RPRD1B: variants seen among roughly 807,000 people sequenced by gnomAD.
RPRD1B encodes regulation of nuclear pre-mRNA domain containing 1B.
In RPRD1B, 11 loss-of-function variants were observed where a neutral mutation model predicts 41.5. The ratio of observed to expected loss-of-function variants is 0.27; its 90% CI spans 0.17 to 0.44. The LOEUF is 0.44. RPRD1B is among the 20% of genes least tolerant of loss of function. The pLI, the probability that RPRD1B is intolerant of heterozygous loss-of-function variation, is 1.00. For missense variants in RPRD1B, 248 were observed against 389.9 expected (o/e 0.64, Z 3.06); for synonymous variants, 158 against 155.6 (o/e 1.02, Z -0.12).
intron 5 of RPRD1B, among the ~76,000 whole-genome samples, chr20:38,061,204 A>G (rs1463828423): frequency 2.0e-5 from 3 of 152,262 alleles, no homozygotes; most frequent in Non-Finnish European, 4.4e-5. Context: ...AAGTATTCTC[A>G]TGTTGTTATA....
chr20:38,065,298 G>A (rs2074343332), intron 5 of RPRD1B, among the ~76,000 whole-genome samples: 1 of 152,022 alleles, frequency 6.6e-6, no homozygotes, highest in Non-Finnish European at 1.5e-5. Flanking sequence ...TTTTTTTTCT[G>A]GCGGGGAGGG....
intron 3 of RPRD1B, among the ~76,000 whole-genome samples, chr20:38,056,270 A>C (rs2074239987): frequency 6.6e-6 from 1 of 152,120 alleles, no homozygotes; most frequent in Admixed American, 6.5e-5. Flanking sequence ...AAATGCCTGT[A>C]ATCCCAGCTA....
rs575800311 is a variant in RPRD1B at position 38,091,675 on chromosome 20, T to A, written c.*1800T>A. 22 of 985,610 alleles carry A rather than the reference T, an allele frequency of 2.2e-5. No homozygotes were observed. In the African/African-American group the frequency reaches 3.3e-4, roughly 15 times the overall value. 61.1% of individuals were successfully genotyped at this position (985,610 alleles called of 1,614,324 possible). A position where few individuals can be genotyped will look rare whatever the true frequency, so the allele number is the denominator to read the frequency against. On this transcript the variant is annotated 3_prime_UTR_variant, in exon 7 of 7. Coordinates refer to ENST00000373433, the MANE Select transcript of RPRD1B (RefSeq NM_021215.4). ...GTGCTGCTTTCTAGATGAGCGTGTT[T>A]TGGAGCAGGCCCATCTGGGACACTC... is the stretch of plus-strand genomic sequence containing the variant.
At chr20:38,042,792 C>G (rs1484906165) in intron 2 of RPRD1B, among the ~76,000 whole-genome samples, 2 of 152,098 alleles carry the variant, frequency 1.3e-5, no homozygotes, top group Non-Finnish European at 2.9e-5. Context: ...ATAGTTGACC[C>G]ATTACTGTTG....
At chr20:38,070,745 T>G (rs2074404805) in intron 6 of RPRD1B, 2 of 982,434 alleles carry the variant, frequency 2.0e-6, no homozygotes, top group Middle Eastern at 5.2e-4. Context: ...GTGATTTTTT[T>G]TTTTTTTTTT....
chr20:38,055,052 C>G (rs923439916), intron 3 of RPRD1B, among the ~76,000 whole-genome samples: 3 of 152,194 alleles, frequency 2.0e-5, no homozygotes, highest in African/African-American at 7.2e-5. Flanking sequence ...CATGATTGTG[C>G]AAGCTGAACC....
intron 5 of RPRD1B, among the ~76,000 whole-genome samples, chr20:38,062,433 A>T (rs1388485643): frequency 6.6e-6 from 1 of 151,820 alleles, no homozygotes; most frequent in Non-Finnish European, 1.5e-5. Flanking sequence ...CCAACCTCCT[A>T]CTCAGTTTTA....
chr20:38,036,109 C>G (rs911195220), intron 1 of RPRD1B, among the ~76,000 whole-genome samples: 2 of 152,052 alleles, frequency 1.3e-5, no homozygotes, highest in Non-Finnish European at 2.9e-5. Context: ...TTGCCTCACC[C>G]TAGTTGAGTT....
At position 38,091,596 on chromosome 20, in the gene RPRD1B, A is replaced by G. The variant is rs2074612240; in HGVS notation, c.*1721A>G. The G allele has an allele frequency of 1.0e-6, 1 of 985,424 alleles. No homozygotes were observed. Among genetic ancestry groups the G allele is most frequent in the Non-Finnish European group, 1.2e-6 (1 of 830,012 alleles). The allele number at this position is 985,424 out of a possible 1,614,324, so 61.0% of individuals were successfully genotyped here. ...TGACATCACTAAAATTGCAAGATAA[A>G]TTGTAATCTTTGCTGCTGCTGCACT... On this transcript the variant is annotated 3_prime_UTR_variant, in exon 7 of 7. Coordinates refer to ENST00000373433, the MANE Select transcript of RPRD1B (RefSeq NM_021215.4).
rs924485194 is a variant in RPRD1B, at chr20:38,033,801, C to T, written c.-147C>T. ...GGCGGCTGTTACTGCGGAGACCCAT[C>T]CCCTCCCCCTTCTCGCACCCCTGGC... On this transcript the variant is annotated 5_prime_UTR_variant, in exon 1 of 7. Coordinates refer to ENST00000373433, the MANE Select transcript of RPRD1B (RefSeq NM_021215.4). 14 of 753,234 alleles carry T rather than the reference C, an allele frequency of 1.9e-5. No homozygotes were observed. Among genetic ancestry groups the T allele is most frequent in the Non-Finnish European group, 2.9e-5 (14 of 483,574 alleles). The allele number at this position is 753,234 out of a possible 1,614,324, so 46.7% of individuals were successfully genotyped here.
chr20:38,064,459 C>A (rs761503449), intron 5 of RPRD1B, among the ~76,000 whole-genome samples: 2 of 152,186 alleles, frequency 1.3e-5, no homozygotes, highest in Non-Finnish European at 1.5e-5. Flanking sequence ...AACTGTCCCA[C>A]GGTACTGCCG....
intron 5 of RPRD1B, among the ~76,000 whole-genome samples, chr20:38,064,901 G>C (rs931342742): frequency 2.0e-5 from 3 of 151,884 alleles, no homozygotes; most frequent in African/African-American, 7.3e-5. Context: ...CAGGAGAATG[G>C]CATGAACCTG....
rs2074614044 is a variant in RPRD1B at position 38,091,765 on chromosome 20, T to C, written c.*1890T>C. Reference sequence around the variant, plus strand: ...TCCAGCCAAAAGAGGATCGTAGATATTTGCTCTGATCAACTAGATGAAAAT... The same window carrying C: ...TCCAGCCAAAAGAGGATCGTAGATACTTGCTCTGATCAACTAGATGAAAAT... On this transcript the variant is annotated 3_prime_UTR_variant, in exon 7 of 7. Transcript: ENST00000373433. The C allele has an allele frequency of 1.0e-5, 10 of 985,820 alleles. No homozygotes were observed. The highest frequency in any genetic ancestry group is 9.6e-6 in the Non-Finnish European group (8 of 829,940). The allele number at this position is 985,820 out of a possible 1,614,324, so 61.1% of individuals were successfully genotyped here.
chr20:38,077,586 C>G (rs2074475536), intron 6 of RPRD1B, among the ~76,000 whole-genome samples: 1 of 152,164 alleles, frequency 6.6e-6, no homozygotes, highest in South Asian at 2.1e-4. Flanking sequence ...CCACCATCTT[C>G]CATAGCTGAG....
In RPRD1B at chr20:38,092,182, CAG is replaced by C; in HGVS notation, c.*2309_*2310del. 1 of 985,708 alleles carries C rather than the reference CAG, an allele frequency of 1.0e-6. No individual in the cohort carries two copies. Among genetic ancestry groups the C allele is most frequent in the Non-Finnish European group, 1.2e-6 (1 of 829,884 alleles). 61.1% of individuals were successfully genotyped at this position (985,708 alleles called of 1,614,324 possible). A position where few individuals can be genotyped will look rare whatever the true frequency, so the allele number is the denominator to read the frequency against. On this transcript the variant is annotated 3_prime_UTR_variant, in exon 7 of 7. Transcript: ENST00000373433. ...GACCTTTCCTTTAGGTCATATTCCT[CAG>C]AAAGTCTTCAATCTTCCCTTGTTTT...
chr20:38,042,936 T>G (rs1386594338), intron 2 of RPRD1B, among the ~76,000 whole-genome samples: 1 of 152,252 alleles, frequency 6.6e-6, no homozygotes, highest in Non-Finnish European at 1.5e-5. Flanking sequence ...AGCAGTTTAA[T>G]TAACCAGACT....
At chr20:38,049,871 C>T (rs2074166837) in intron 3 of RPRD1B, 3 of 470,756 alleles carry the variant, frequency 6.4e-6, no homozygotes, top group Admixed American at 4.7e-5. Flanking sequence ...CCAGATTCTT[C>T]TCCTGCCACT....
chr20:38,037,549 A>G (rs1409266699), intron 1 of RPRD1B, among the ~76,000 whole-genome samples: 2 of 152,242 alleles, frequency 1.3e-5, no homozygotes, highest in African/African-American at 4.8e-5. Context: ...GTTGTCCCCC[A>G]GGATTGGGAT....
intron 6 of RPRD1B, among the ~76,000 whole-genome samples, chr20:38,076,647 C>T (rs2074462273): frequency 6.8e-6 from 1 of 147,880 alleles, no homozygotes; most frequent in Admixed American, 6.9e-5. Context: ...TTCAGAATTT[C>T]CCCCCTTCCC....
Sources: allele counts gnomAD v4.1 joint callset (sites outside exome capture counted in the v4.1 genomes callset), GRCh38; gene constraint gnomAD v4.1.1; transcripts MANE v1.5; gene names NCBI Gene and HGNC (gene_info 2026-07-23, HGNC 2026-07-21).